Variants in POLE observed in about 807,000 individuals in gnomAD.
POLE encodes DNA polymerase epsilon, catalytic subunit, also known as DNA polymerase epsilon catalytic subunit A.
POLE carries 188 observed loss-of-function variants against 279.2 expected under a neutral mutation model. The observed-to-expected ratio is 0.67, with a 90% CI of 0.60 to 0.76. The LOEUF (loss-of-function observed/expected upper bound fraction) is 0.76, where lower values mean the gene tolerates loss of function less well. Ranked by LOEUF, POLE falls within the 30% of genes least tolerant of loss-of-function variation. The pLI is 0.00. For synonymous variants in POLE, 1,214 were observed against 1,172.5 expected (o/e 1.04, Z -0.72); for missense variants, 2,703 against 3,016.7 (o/e 0.90, Z 2.44).
rs1482861363 is a variant in POLE at position 132,639,351 on chromosome 12, C to A, written c.5379-53G>T. On this transcript the variant is annotated intron_variant, in intron 39 of 48. Transcript: ENST00000320574. The surrounding 1 kb of genome is among the most constrained non-coding windows in gnomAD (Gnocchi z 4.7). The stretch of plus-strand genomic sequence containing the variant: ...GTACCCTCAGCCTCCCACGCTGCTG[C>A]CACGCGGGACGCTCCAACTGAAATG... 2.6e-6 allele frequency: 4 copies of A among 1,554,688 alleles called. No homozygotes were observed. Among genetic ancestry groups the A allele is most frequent in the Non-Finnish European group, 3.5e-6 (4 of 1,134,920 alleles).
chr12:132,676,764 G>C, intron 8 of POLE, 111 bp from the exon 9 acceptor site: 1 of 708,964 alleles, frequency 1.4e-6, no homozygotes, highest in East Asian at 2.7e-5. Flanking sequence ...AGAGTCAAAA[G>C]GCTCTAGAGC....
In POLE at chr12:132,659,256, G is replaced by A. The variant is rs570022854; in HGVS notation, c.3275+39C>T. ...GGGAGCCCTCACCTGTCCGTGATGG[G>A]AGGAGCCCTCACCTCTCCGTGATGG... On this transcript the variant is annotated intron_variant, in intron 26 of 48. Coordinates refer to ENST00000320574, the MANE Select transcript of POLE (RefSeq NM_006231.4). 6.3e-6 allele frequency: 10 copies of A among 1,595,436 alleles called. No homozygotes were observed. The South Asian group carries it at 1.0e-4, about 16-fold the overall frequency.
Position 132,673,764 on chromosome 12 carries a change from CCT to C in POLE, c.1227-59_1227-58del. 4.4e-6 allele frequency: 7 copies of C among 1,601,828 alleles called. 1 individual carries two copies. Among genetic ancestry groups the C allele is most frequent in the Non-Finnish European group, 5.1e-6 (6 of 1,176,762 alleles). ...GATTCTAACATGCAGCCCGGGAACC[CCT>C]GAGAACTGGCAAAACTGGGCACCAC... On this transcript the variant is annotated intron_variant, in intron 12 of 48. Coordinates refer to ENST00000320574, the MANE Select transcript of POLE (RefSeq NM_006231.4).
At chr12:132,625,103 C>T (rs936942479) in intron 47 of POLE, 109 bp from the exon 48 acceptor site, 14 of 792,708 alleles carry the variant, frequency 1.8e-5, no homozygotes, top group Non-Finnish European at 2.6e-5. Context: ...CAGTAAGCCT[C>T]GAGCCCCTGC....
intron 41 of POLE, among the ~76,000 whole-genome samples, chr12:132,636,604 A>T (rs2042040185): frequency 6.6e-6 from 1 of 152,034 alleles, no homozygotes; most frequent in Non-Finnish European, 1.5e-5. Flanking sequence ...AAAAATACAA[A>T]AATTGGCTGG....
At chr12:132,679,876 A>G in intron 5 of POLE, 78 bp downstream of exon 5, 1 of 1,138,034 alleles carries the variant, frequency 8.8e-7, no homozygotes, top group Non-Finnish European at 1.3e-6. Flanking sequence ...CTGAATTTCT[A>G]CCTCTTCCGA....
At chr12:132,674,736 C>G (rs1404016314) in intron 12 of POLE, among the ~76,000 whole-genome samples, 2 of 152,212 alleles carry the variant, frequency 1.3e-5, no homozygotes, top group Admixed American at 1.3e-4. Context: ...AGCATCAGAG[C>G]TAAACAGAAA....
At position 132,677,434 on chromosome 12, in the gene POLE, AC is replaced by A; in HGVS notation, c.729del (p.Trp243CysfsTer13). The A allele has an allele frequency of 6.2e-7, 1 of 1,613,920 alleles. No homozygotes were observed. The highest frequency in any genetic ancestry group is 8.5e-7 in the Non-Finnish European group (1 of 1,179,788). The part of the protein sequence containing the change: ...SIDLKIHVAH[W>X]YNVRYRGNAF... ...GCATTTCCTCGGTATCTGACATTGT[AC>A]CAATGAGCCTGCAAAACACACAGTG... On this transcript the variant is annotated frameshift_variant, in exon 8 of 49. Transcript: ENST00000320574. LOFTEE classifies it high-confidence loss of function.
At chr12:132,673,017 G>A in intron 14 of POLE, 147 bp downstream of exon 14, 1 of 752,486 alleles carries the variant, frequency 1.3e-6, no homozygotes. Context: ...AATTCCCAAA[G>A]GACATCCCTG....
Position 132,632,806 on chromosome 12 carries a change from G to C in POLE, c.6005-11C>G. The C allele has an allele frequency of 6.3e-7, 1 of 1,595,238 alleles. No homozygotes were observed. The highest frequency in any genetic ancestry group is 8.5e-7 in the Non-Finnish European group (1 of 1,172,572). The stretch of plus-strand genomic sequence containing the variant: ...CGGCCACGATGTACGCTGTGGAGAG[G>C]CACACACACCACAGGCCCTGAGTCG... On this transcript the variant is annotated splice_polypyrimidine_tract_variant and intron_variant, in intron 43 of 48. Transcript: ENST00000320574.
intron 47 of POLE, 63 bp downstream of exon 47, chr12:132,625,582 G>T: frequency 1.3e-6 from 2 of 1,594,936 alleles, no homozygotes; most frequent in East Asian, 2.2e-5. Flanking sequence ...CCGGCTCCCG[G>T]GAGTGCACAG....
chr12:132,653,019 T>C (rs987512351), intron 29 of POLE, among the ~76,000 whole-genome samples: 2 of 152,270 alleles, frequency 1.3e-5, no homozygotes, highest in African/African-American at 4.8e-5. Context: ...ATTTTAATAC[T>C]GAGTCCTTTC....
chr12:132,631,999 C>T (rs535880550), intron 45 of POLE, among the ~76,000 whole-genome samples: 13 of 152,226 alleles, frequency 8.5e-5, no homozygotes, highest in Non-Finnish European at 1.6e-4. Flanking sequence ...ACAGATGCCG[C>T]AACTGTGGCT....
At chr12:132,670,531 C>T (rs1333465916) in intron 16 of POLE, among the ~76,000 whole-genome samples, 3 of 151,414 alleles carry the variant, frequency 2.0e-5, no homozygotes, top group Non-Finnish European at 2.9e-5. Context: ...TTCCAGGCTG[C>T]CCAGGCTGGA....
intron 47 of POLE, chr12:132,625,378 C>T (rs767028296): frequency 5.4e-6 from 4 of 739,586 alleles, no homozygotes; most frequent in South Asian, 1.4e-5. Flanking sequence ...CCCTCTTCCT[C>T]CTTTCCTTCT....
chr12:132,664,592 C>A lies in POLE; in HGVS notation c.2469-130G>T. ...CAAGGGAAGCAGCCAAATGTGCGTGCACCAGGACAGAACTAAGGTGGAATC... is the reference window on the plus strand; with the variant it reads ...CAAGGGAAGCAGCCAAATGTGCGTGAACCAGGACAGAACTAAGGTGGAATC... On this transcript the variant is annotated intron_variant, in intron 21 of 48. Coordinates refer to ENST00000320574, the MANE Select transcript of POLE (RefSeq NM_006231.4). The surrounding 1 kb of genome is among the most constrained non-coding windows in gnomAD (Gnocchi z 5.3). 1 of 711,796 alleles carries A rather than the reference C, an allele frequency of 1.4e-6. No individual in the cohort carries two copies. Among genetic ancestry groups the A allele is most frequent in the Non-Finnish European group, 2.5e-6 (1 of 401,822 alleles). The allele number at this position is 711,796 out of a possible 1,614,324, so 44.1% of individuals were successfully genotyped here. A position where few individuals can be genotyped will look rare whatever the true frequency, so the allele number is the denominator to read the frequency against.
intron 23 of POLE, among the ~76,000 whole-genome samples, chr12:132,663,711 G>A (rs960066017): frequency 1.3e-5 from 2 of 152,166 alleles, no homozygotes; most frequent in African/African-American, 4.8e-5. Context: ...ATTAGGGGAA[G>A]GCAGGTTGAA....
rs1565981475 is a variant in POLE at position 132,681,120 on chromosome 12, G to A, written c.204+18C>T. On this transcript the variant is annotated intron_variant, in intron 2 of 48. Coordinates refer to ENST00000320574, the MANE Select transcript of POLE (RefSeq NM_006231.4). ...GTTGCAGCCATATTCCTGGGTGGGA[G>A]AAGGACCTAGTGCTTACAGGATGCA... The A allele has an allele frequency of 6.2e-7, 1 of 1,613,708 alleles. No individual in the cohort carries two copies. Among genetic ancestry groups the A allele is most frequent in the Non-Finnish European group, 8.5e-7 (1 of 1,179,884 alleles).
At chr12:132,686,088 G>A (rs2043256647) in intron 1 of POLE, among the ~76,000 whole-genome samples, 1 of 151,966 alleles carries the variant, frequency 6.6e-6, no homozygotes, top group Non-Finnish European at 1.5e-5. Flanking sequence ...TGTTGGTCAG[G>A]CTGGTCTCGA....
Sources: allele counts gnomAD v4.1 joint callset (sites outside exome capture counted in the v4.1 genomes callset), GRCh38; gene constraint gnomAD v4.1.1; non-coding constraint Gnocchi (gnomAD v3.1); transcripts MANE v1.5; gene names NCBI Gene and HGNC (gene_info 2026-07-23, HGNC 2026-07-21).